Variants in TRMT2B observed in about 807,000 individuals in gnomAD.
The protein encoded by TRMT2B is tRNA (uracil-5-)-methyltransferase homolog B.
TRMT2B carries 34 observed loss-of-function variants against 39.7 expected under a neutral mutation model. That is an observed-to-expected ratio of 0.86 (90% CI 0.65 to 1.14). The LOEUF (loss-of-function observed/expected upper bound fraction) is 1.14. TRMT2B is among the 50% of genes most tolerant of loss of function. The pLI is 0.00. For synonymous variants in TRMT2B, 132 were observed against 137.3 expected, an observed-to-expected ratio of 0.96 and a Z score of 0.27; for missense variants, 318 against 377.2, an observed-to-expected ratio of 0.84 and a Z score of 1.30.
intron 11 of TRMT2B, among the ~76,000 whole-genome samples, chrX:101,019,683 G>C: frequency 9.4e-6 from 1 of 106,925 alleles, no homozygotes. Context: ...ACCCAGACCA[G>C]AATGCAGTGG....
intron 13 of TRMT2B, among the ~76,000 whole-genome samples, chrX:101,016,345 A>G (rs2086510187): frequency 8.9e-6 from 1 of 111,882 alleles, no homozygotes; most frequent in Admixed American, 9.6e-5. Flanking sequence ...GGAATGATAT[A>G]ATATGTGGTC....
At chrX:101,020,661 A>T (rs2086753464) in intron 10 of TRMT2B, 73 bp from the exon 11 acceptor site, 2 of 811,901 alleles carry the variant, frequency 2.5e-6, no homozygotes, top group Admixed American at 4.6e-5. Flanking sequence ...TTTTTTGTTT[A>T]GTTTAGTTTA....
chrX:101,002,474 C>T, the TRMT2B span, among the ~76,000 whole-genome samples: 2 of 111,949 alleles, frequency 1.8e-5, no homozygotes, highest in Non-Finnish European at 3.8e-5. Flanking sequence ...GGGAAAAGCT[C>T]ATTTTTATAA....
At position 101,020,521 on chromosome X, in the gene TRMT2B, TG is replaced by T. The variant is rs2086742851; in HGVS notation, c.1133del (p.Ala378GlufsTer32). 1 of 1,209,200 alleles carries T rather than the reference TG, an allele frequency of 8.3e-7. No homozygotes were observed. Among genetic ancestry groups the T allele is most frequent in the South Asian group, 1.8e-5 (1 of 56,801 alleles). ...CTGCAGTCCATCTTGCATCCTCCAC[TG>T]CCTGCTCCAACAATTCAATCCCAAG... ...RVLGIELLEQ[A>X]VEDARWTAAF... On this transcript the variant is annotated frameshift_variant, in exon 11 of 14. Coordinates refer to ENST00000372936, the MANE Select transcript of TRMT2B (RefSeq NM_024917.6). LOFTEE classifies it high-confidence loss of function.
At chrX:101,003,528 T>C in the TRMT2B span, among the ~76,000 whole-genome samples, 2 of 110,595 alleles carry the variant, frequency 1.8e-5, no homozygotes, top group African/African-American at 3.3e-5. Context: ...TTTGTATTTT[T>C]AGTAGAGATA....
chrX:101,051,458 A>T lies in TRMT2B; in HGVS notation c.-231T>A. On this transcript the variant is annotated 5_prime_UTR_variant, in exon 2 of 14. Transcript: ENST00000372936. ...GTCCTTGTCTCCCCAACAAGACTCCACTAGCCCTTCCATTCCCTTCTTCTT... is the reference window on the plus strand; with the variant it reads ...GTCCTTGTCTCCCCAACAAGACTCCTCTAGCCCTTCCATTCCCTTCTTCTT... 1 of 754,677 alleles carries T rather than the reference A, an allele frequency of 1.3e-6. No homozygotes were observed. Among genetic ancestry groups the T allele is most frequent in the East Asian group, 1.5e-4 (1 of 6,669 alleles). 62.2% of individuals were successfully genotyped at this position (754,677 alleles called of 1,213,427 possible). A position where few individuals can be genotyped will look rare whatever the true frequency, so the allele number is the denominator to read the frequency against.
At chrX:100,981,139 T>C in the TRMT2B span, among the ~76,000 whole-genome samples, 10 of 111,558 alleles carry the variant, frequency 9.0e-5, no homozygotes, top group African/African-American at 3.3e-4. Flanking sequence ...GCACCAGGAC[T>C]TGTCCAGGAA....
the TRMT2B span, among the ~76,000 whole-genome samples, chrX:100,996,734 G>A: frequency 5.4e-5 from 6 of 110,370 alleles, no homozygotes; most frequent in Non-Finnish European, 1.1e-4. Context: ...GCAACATAGC[G>A]AGACCTCATC....
At chrX:101,000,061 A>G in the TRMT2B span, among the ~76,000 whole-genome samples, 2 of 111,735 alleles carry the variant, frequency 1.8e-5, no homozygotes, top group Non-Finnish European at 3.8e-5. Context: ...CAGGCTGAGG[A>G]TAACTGTTCT....
At chrX:101,001,146 G>A in the TRMT2B span, among the ~76,000 whole-genome samples, 2 of 110,744 alleles carry the variant, frequency 1.8e-5, no homozygotes, top group Non-Finnish European at 3.8e-5. Flanking sequence ...TAGAATCACC[G>A]GGCAGGGTGG....
the TRMT2B span, among the ~76,000 whole-genome samples, chrX:101,003,827 GT>G: frequency 9.0e-6 from 1 of 110,878 alleles, no homozygotes; most frequent in Non-Finnish European, 1.9e-5. Context: ...TTTTGTTTTT[GT>G]TTTGTGTTGT....
chrX:101,020,544 C>G lies in TRMT2B; in HGVS notation c.1111G>C (p.Gly371Arg). ...SLAQHTSRVL[G>R]IELLEQAVED... The stretch of plus-strand genomic sequence containing the variant: ...ACTGCCTGCTCCAACAATTCAATCC[C>G]AAGGACCCGAGATGTATGCTGAGCC... The change falls in exon 11 of 14, where the codon GGG (glycine) becomes CGG (arginine). Residue 371 changes from glycine to arginine, a missense_variant. Physicochemically the swap from Gly to Arg is moderately radical, Grantham distance 125. Transcript: ENST00000372936. 1 of 1,211,459 alleles carries G rather than the reference C, an allele frequency of 8.3e-7. No homozygotes were observed. Among genetic ancestry groups the G allele is most frequent in the Non-Finnish European group, 1.1e-6 (1 of 895,139 alleles).
chrX:101,017,309 T>C (rs770788680), intron 13 of TRMT2B, among the ~76,000 whole-genome samples: 1 of 112,047 alleles, frequency 8.9e-6, no homozygotes, highest in East Asian at 2.8e-4. Flanking sequence ...CTTCTCGCTT[T>C]CTCATCAAAT....
the TRMT2B span, among the ~76,000 whole-genome samples, chrX:101,004,117 T>C: frequency 8.9e-6 from 1 of 111,910 alleles, no homozygotes; most frequent in Non-Finnish European, 1.9e-5. Context: ...TTCTTCTGCC[T>C]CAGCCTCCAA....
chrX:100,982,386 G>A, the TRMT2B span, among the ~76,000 whole-genome samples: 3 of 110,819 alleles, frequency 2.7e-5, no homozygotes, highest in African/African-American at 6.6e-5. Flanking sequence ...CAGCTACGCA[G>A]CAGGCTGAGG....
the TRMT2B span, among the ~76,000 whole-genome samples, chrX:100,995,600 G>A: frequency 9.0e-6 from 1 of 111,715 alleles, no homozygotes; most frequent in Non-Finnish European, 1.9e-5. Flanking sequence ...GGAATCCCAC[G>A]CGATCCCACG....
Position 101,010,219 on chromosome X carries a change from C to T in TRMT2B, c.*362G>A, listed in dbSNP as rs2086192945. ...TTGAGGTCAGGAGTTTGAGACCAGC[C>T]TGGCCAACATGGTGAAACCCTGTCT... On this transcript the variant is annotated 3_prime_UTR_variant, in exon 14 of 14. Coordinates refer to ENST00000372936, the MANE Select transcript of TRMT2B (RefSeq NM_024917.6). The T allele has an allele frequency of 7.8e-6, 1 of 128,950 alleles. No individual in the cohort carries two copies. Among genetic ancestry groups the T allele is most frequent in the South Asian group, 2.7e-4 (1 of 3,691 alleles). The allele number at this position is 128,950 out of a possible 1,213,427, so 10.6% of individuals were successfully genotyped here. A position where few individuals can be genotyped will look rare whatever the true frequency, so the allele number is the denominator to read the frequency against.
At chrX:101,014,339 T>C (rs1231473345) in intron 13 of TRMT2B, among the ~76,000 whole-genome samples, 1 of 110,058 alleles carries the variant, frequency 9.1e-6, no homozygotes, top group Non-Finnish European at 1.9e-5. Flanking sequence ...TTTCTCTCTC[T>C]TTTTTTTACT....
chrX:101,019,306 C>T lies in TRMT2B; in HGVS notation c.1266G>A (p.Val422=). 1.7e-6 allele frequency: 2 copies of T among 1,211,629 alleles called. No individual in the cohort carries two copies. The highest frequency in any genetic ancestry group is 2.2e-5 in the Admixed American group (1 of 45,985). The change falls in exon 12 of 14, where the codon GTG becomes GTA. Residue 422 remains valine (V), a synonymous_variant. Transcript: ENST00000372936. ...KEDGQSIVAV[V]NPARAGLHYK... ...TACGCAGTCCGGCACGGGCTGGGTTCACCACAGCAACAATTGACTGTCCAT... is the reference window on the plus strand; with the variant it reads ...TACGCAGTCCGGCACGGGCTGGGTTTACCACAGCAACAATTGACTGTCCAT...
Sources: allele counts gnomAD v4.1 joint callset (sites outside exome capture counted in the v4.1 genomes callset), GRCh38; gene constraint gnomAD v4.1.1; transcripts MANE v1.5; gene names NCBI Gene and HGNC (gene_info 2026-07-23, HGNC 2026-07-21).